PPFIA2: variants seen among roughly 807,000 people sequenced by gnomAD.
PPFIA2 encodes PPFI scaffold protein A2, also known as liprin-alpha-2.
A neutral mutation model predicts 175.5 loss-of-function variants in PPFIA2; 46 were observed. That is an observed-to-expected ratio of 0.26 (90% confidence interval 0.21 to 0.34). The LOEUF is 0.34. Ranked by LOEUF, PPFIA2 falls within the 10% of genes least tolerant of loss-of-function variation. PPFIA2 has a pLI of 1.00. For missense variants in PPFIA2, 1,179 were observed against 1,506.1 expected (o/e 0.78, Z 3.60); for synonymous variants, 568 against 511.4 (o/e 1.11, Z -1.49).
intron 7 of PPFIA2, among the ~76,000 whole-genome samples, chr12:81,415,192 A>T (rs2044738619): frequency 2.2e-5 from 1 of 45,666 alleles, no homozygotes; most frequent in African/African-American, 8.7e-5. Flanking sequence ...AAAAAAAAAA[A>T]AAAAAAAAAA....
At chr12:81,751,588 C>G (rs987257949) in intron 3 of PPFIA2, among the ~76,000 whole-genome samples, 1 of 149,038 alleles carries the variant, frequency 6.7e-6, no homozygotes, top group Non-Finnish European at 1.5e-5. Context: ...GAGAGAGAGA[C>G]AAGAAACAGA....
chr12:81,312,059 G>A (rs1199644216), intron 22 of PPFIA2: 7 of 1,126,874 alleles, frequency 6.2e-6, no homozygotes, highest in Middle Eastern at 2.0e-4. Context: ...CAGAGGCAGT[G>A]CAGCTTGTGT....
intron 2 of PPFIA2, among the ~76,000 whole-genome samples, chr12:81,757,189 C>G (rs75222829): frequency 0.025 from 3,810 of 152,180 alleles, 105 homozygotes; most frequent in East Asian, 0.09. Context: ...GAGTTAAACA[C>G]CCTTTTAAAA....
chr12:81,368,608 G>T, intron 13 of PPFIA2, 117 bp downstream of exon 13: 3 of 1,042,194 alleles, frequency 2.9e-6, no homozygotes, highest in Non-Finnish European at 4.0e-6. Flanking sequence ...AATATACCAG[G>T]CATTTTTAAA....
intron 4 of PPFIA2, among the ~76,000 whole-genome samples, chr12:81,550,434 G>C (rs1194278903): frequency 6.6e-6 from 1 of 151,950 alleles, no homozygotes; most frequent in African/African-American, 2.4e-5. Flanking sequence ...TCTTTGACAG[G>C]GTATGTATAG....
chr12:81,525,016 G>A (rs1594474337), intron 4 of PPFIA2, among the ~76,000 whole-genome samples: 1 of 152,168 alleles, frequency 6.6e-6, no homozygotes, highest in Non-Finnish European at 1.5e-5. Flanking sequence ...CACTGAATTT[G>A]AGGGTGCCTT....
At chr12:81,594,221 C>G (rs959476106) in intron 4 of PPFIA2, among the ~76,000 whole-genome samples, 5 of 152,070 alleles carry the variant, frequency 3.3e-5, no homozygotes, top group Non-Finnish European at 7.4e-5. Flanking sequence ...AAACCAGTGT[C>G]TGGTGCCAGA....
At chr12:81,725,926 T>C (rs1038958672) in intron 3 of PPFIA2, among the ~76,000 whole-genome samples, 3 of 151,098 alleles carry the variant, frequency 2.0e-5, no homozygotes, top group African/African-American at 7.3e-5. Flanking sequence ...CCAGTAATCA[T>C]ACTCTATACC....
chr12:81,309,874 C>G (rs1297829796), intron 22 of PPFIA2, among the ~76,000 whole-genome samples: 1 of 152,032 alleles, frequency 6.6e-6, no homozygotes, highest in Non-Finnish European at 1.5e-5. Flanking sequence ...GACACACACA[C>G]ACATACACAC....
intron 3 of PPFIA2, among the ~76,000 whole-genome samples, chr12:81,710,216 A>T (rs1414991945): frequency 1.3e-5 from 2 of 151,820 alleles, no homozygotes; most frequent in Non-Finnish European, 2.9e-5. Flanking sequence ...TTACAGTAAA[A>T]TCTGTTTTCC....
At chr12:81,726,786 G>A (rs2080141717) in intron 3 of PPFIA2, among the ~76,000 whole-genome samples, 3 of 151,242 alleles carry the variant, frequency 2.0e-5, no homozygotes, top group Non-Finnish European at 3.0e-5. Flanking sequence ...TGGGGTAAGT[G>A]AGCTTTCCAC....
rs1416845401 is a variant in PPFIA2, at chr12:81,698,878, G to T, written c.250-22034C>A. On this transcript the variant is annotated intron_variant, in intron 3 of 32. Coordinates refer to ENST00000549396, the MANE Select transcript of PPFIA2 (RefSeq NM_003625.5). ...GTAGACTGTATATGAGTTATCTATT[G>T]TATGTTCCATGACAATTAACATTTG... Among the ~76,000 whole-genome samples the T allele has an allele frequency of 3.3e-5, 5 of 151,942 alleles. No homozygotes were observed. In the East Asian group the frequency reaches 9.7e-4, roughly 29 times the overall value.
chr12:81,541,660 C>A (rs567216364), intron 4 of PPFIA2, among the ~76,000 whole-genome samples: 3 of 149,972 alleles, frequency 2.0e-5, no homozygotes, highest in Non-Finnish European at 4.5e-5. Context: ...CAAATTATGT[C>A]TTTAAAGCAA....
chr12:81,277,441 A>C (rs1179328428), intron 27 of PPFIA2, 27 bp from the exon 28 acceptor site: 3 of 1,482,074 alleles, frequency 2.0e-6, no homozygotes, highest in Non-Finnish European at 1.8e-6. Context: ...AAAAAAAAAA[A>C]CACAGTGAGT....
chr12:81,598,189 G>A (rs544657255), intron 4 of PPFIA2: 2 of 1,360,954 alleles, frequency 1.5e-6, no homozygotes, highest in East Asian at 5.5e-5. Context: ...ATTTTGAATT[G>A]TTCTTCTACA....
chr12:81,701,374 T>C (rs7313851), intron 3 of PPFIA2, among the ~76,000 whole-genome samples: 2 of 151,808 alleles, frequency 1.3e-5, no homozygotes, highest in Non-Finnish European at 2.9e-5. Context: ...GAGAGAGTTA[T>C]GAGGGTACCA....
At chr12:81,539,907 G>C (rs1594707491) in intron 4 of PPFIA2, among the ~76,000 whole-genome samples, 1 of 152,064 alleles carries the variant, frequency 6.6e-6, no homozygotes, top group East Asian at 1.9e-4. Context: ...CCCTCAATTT[G>C]ATTTCACTAA....
At chr12:81,613,755 A>G (rs1030499316) in intron 4 of PPFIA2, among the ~76,000 whole-genome samples, 2 of 152,144 alleles carry the variant, frequency 1.3e-5, no homozygotes, top group East Asian at 1.9e-4. Context: ...AATGCATAGC[A>G]TGGAGTTGGT....
chr12:81,333,743 C>T (rs2056583839), intron 21 of PPFIA2, among the ~76,000 whole-genome samples: 1 of 152,046 alleles, frequency 6.6e-6, no homozygotes, highest in Admixed American at 6.6e-5. Context: ...AGGGGTAATA[C>T]TAATCTTTTC....
Sources: allele counts gnomAD v4.1 joint callset (sites outside exome capture counted in the v4.1 genomes callset), GRCh38; gene constraint gnomAD v4.1.1; transcripts MANE v1.5; gene names NCBI Gene and HGNC (gene_info 2026-07-23, HGNC 2026-07-21).